The following NCAM1 variants were observed in gnomAD, a reference collection of about 807,000 sequenced individuals.
The protein encoded by NCAM1 is neural cell adhesion molecule 1.
Under a neutral mutation model 109.8 loss-of-function variants are expected in NCAM1, and 14 were observed. That is an observed-to-expected ratio of 0.13 (90% CI 0.08 to 0.20). NCAM1 has a LOEUF of 0.20. Among genes scored for constraint, NCAM1 ranks in the 10% least tolerant of loss-of-function variants. The pLI, the probability that NCAM1 is intolerant of heterozygous loss-of-function variation, is 1.00. For missense variants in NCAM1, 774 were observed against 1,109.9 expected (o/e 0.70, Z 4.30); for synonymous variants, 418 against 442.9 (o/e 0.94, Z 0.70).
In NCAM1 at chr11:112,965,512, A is replaced by G. The variant is rs184409827; in HGVS notation, c.52+3848A>G. Among the ~76,000 whole-genome samples, 7 of 152,326 alleles carry G rather than the reference A, an allele frequency of 4.6e-5. No individual in the cohort carries two copies. The East Asian group carries it at 1.3e-3, about 29-fold the overall frequency. On this transcript the variant is annotated intron_variant, in intron 1 of 19. Transcript: ENST00000316851. ...ATGTCTTAATTGCCTTTCAAAGTAA[A>G]CAGCACCATTTTGTCACTCAAAAGC... is the stretch of plus-strand genomic sequence containing the variant.
At chr11:113,050,601 G>C (rs1953444807) in intron 1 of NCAM1, among the ~76,000 whole-genome samples, 1 of 151,976 alleles carries the variant, frequency 6.6e-6, no homozygotes. Context: ...GTAGTTTGGA[G>C]TTAGGTAGTA....
intron 17 of NCAM1, chr11:113,263,869 A>T (rs1946074136): frequency 1.0e-6 from 1 of 985,414 alleles, no homozygotes; most frequent in Admixed American, 6.2e-5. Context: ...CCACTCCCAG[A>T]CTGCCCAGCC....
intron 1 of NCAM1, among the ~76,000 whole-genome samples, chr11:112,988,200 C>A (rs773139962): frequency 6.6e-6 from 1 of 152,118 alleles, no homozygotes; most frequent in Admixed American, 6.6e-5. Context: ...CCTTATTTTA[C>A]GTTTTTGTGT....
Position 112,976,156 on chromosome 11 carries a change from G to T in NCAM1, c.52+14492G>T, listed in dbSNP as rs146613204. On this transcript the variant is annotated intron_variant, in intron 1 of 19. Transcript: ENST00000316851. Reference sequence around the variant, plus strand: ...AAAAGTACAATTGGACATATTTTAAGAAAACATAAATTATAAATATGTGCA... The same window carrying T: ...AAAAGTACAATTGGACATATTTTAATAAAACATAAATTATAAATATGTGCA... Among the ~76,000 whole-genome samples, 95 of 151,888 alleles carry T rather than the reference G, an allele frequency of 6.3e-4. 1 individual carries two copies. The highest frequency in any genetic ancestry group is 1.4e-3 in the African/African-American group (59 of 41,464).
At chr11:113,151,536 C>A (rs1482492778) in intron 1 of NCAM1, among the ~76,000 whole-genome samples, 1 of 152,172 alleles carries the variant, frequency 6.6e-6, no homozygotes, top group Non-Finnish European at 1.5e-5. Flanking sequence ...GGCAGGTTTG[C>A]CATTGTGTAG....
At chr11:112,966,324 A>G (rs1412732703) in intron 1 of NCAM1, among the ~76,000 whole-genome samples, 1 of 152,238 alleles carries the variant, frequency 6.6e-6, no homozygotes, top group Non-Finnish European at 1.5e-5. Context: ...AAATTCGAAG[A>G]AGAAAATTTT....
In NCAM1 at chr11:113,273,480, C is replaced by A. The variant is rs1946334238; in HGVS notation, c.2456+1604C>A. On this transcript the variant is annotated intron_variant, in intron 19 of 19. Coordinates refer to ENST00000316851, the MANE Select transcript of NCAM1 (RefSeq NM_181351.5). This position sits in a 1 kb window ranked among gnomAD's most constrained non-coding sequence, Gnocchi z 6.0. The stretch of plus-strand genomic sequence containing the variant: ...AGGCCCGGACCCGGAGCCCACCCAG[C>A]CCGGAGCCGCGAAGAGCCCGGCCGA... The A allele has an allele frequency of 2.9e-6, 1 of 339,060 alleles. No homozygotes were observed. 21.0% of individuals were successfully genotyped at this position (339,060 alleles called of 1,614,324 possible). A position where few individuals can be genotyped will look rare whatever the true frequency, so the allele number is the denominator to read the frequency against.
chr11:113,154,102 G>A (rs1555103047), intron 1 of NCAM1, among the ~76,000 whole-genome samples: 1 of 152,216 alleles, frequency 6.6e-6, no homozygotes, highest in African/African-American at 2.4e-5. Context: ...GAGAATAAAT[G>A]TAGGACACTT....
At chr11:113,065,409 C>A (rs931093533) in intron 1 of NCAM1, among the ~76,000 whole-genome samples, 10 of 152,088 alleles carry the variant, frequency 6.6e-5, no homozygotes, top group African/African-American at 2.4e-4. Context: ...TTCCTTCCTG[C>A]AGCATAGAAA....
At chr11:113,049,883 G>C (rs1953404326) in intron 1 of NCAM1, among the ~76,000 whole-genome samples, 1 of 152,178 alleles carries the variant, frequency 6.6e-6, no homozygotes. Context: ...GCAGGTGTGA[G>C]AGAAAGCTTG....
At chr11:113,254,512 T>C (rs605843) in intron 15 of NCAM1, among the ~76,000 whole-genome samples, 49,249 of 152,066 alleles carry the variant, frequency 0.32, 8,790 homozygotes, top group African/African-American at 0.48. Context: ...GCTGGCCCTA[T>C]GATGATAAGT....
intron 1 of NCAM1, among the ~76,000 whole-genome samples, chr11:113,099,626 G>C (rs554408016): frequency 4.6e-5 from 7 of 152,304 alleles, no homozygotes; most frequent in African/African-American, 1.7e-4. Context: ...CAAAGAGGAA[G>C]AGCACTGGTT....
chr11:113,119,415 A>G (rs1940852027), intron 1 of NCAM1, among the ~76,000 whole-genome samples: 1 of 152,180 alleles, frequency 6.6e-6, no homozygotes, highest in African/African-American at 2.4e-5. Context: ...TGGTTCTATG[A>G]TCTGGAAGCC....
At chr11:113,063,584 G>T (rs1448074932) in intron 1 of NCAM1, among the ~76,000 whole-genome samples, 8 of 152,122 alleles carry the variant, frequency 5.3e-5, no homozygotes, top group Non-Finnish European at 1.2e-4. Flanking sequence ...AGTTCTCATG[G>T]CACTGAGGAG....
intron 1 of NCAM1, among the ~76,000 whole-genome samples, chr11:112,991,519 G>C (rs1347089543): frequency 1.4e-5 from 2 of 145,226 alleles, no homozygotes; most frequent in East Asian, 2.1e-4. Flanking sequence ...AAAAAAAAAA[G>C]TGATTGGAGC....
chr11:113,010,989 T>G (rs2135116545), intron 1 of NCAM1, among the ~76,000 whole-genome samples: 1 of 152,014 alleles, frequency 6.6e-6, no homozygotes, highest in South Asian at 2.1e-4. Flanking sequence ...TACTTTAAGT[T>G]TTAGGGTACA....
chr11:113,057,715 A>G (rs1953761533), intron 1 of NCAM1, among the ~76,000 whole-genome samples: 1 of 152,200 alleles, frequency 6.6e-6, no homozygotes, highest in Non-Finnish European at 1.5e-5. Context: ...GTTTCCTAGC[A>G]TGAGTAACTG....
chr11:113,225,763 G>A lies in NCAM1; in HGVS notation c.1089+4438G>A, dbSNP rs931038838. On this transcript the variant is annotated intron_variant, in intron 9 of 19. Coordinates refer to ENST00000316851, the MANE Select transcript of NCAM1 (RefSeq NM_181351.5). Reference sequence around the variant, plus strand: ...CAGAAATTCTACAAGCCAGAAGAGAGTGGGGGCCAATATTCAACATTCTTA... The same window carrying A: ...CAGAAATTCTACAAGCCAGAAGAGAATGGGGGCCAATATTCAACATTCTTA... 2.6e-5 allele frequency among the ~76,000 whole-genome samples: 4 copies of A among 152,222 alleles called. No homozygotes were observed. The South Asian group carries it at 8.3e-4, about 32-fold the overall frequency.
intron 3 of NCAM1, 111 bp downstream of exon 3, chr11:113,204,615 G>A: frequency 1.9e-6 from 2 of 1,047,442 alleles, no homozygotes; most frequent in South Asian, 1.6e-5. Context: ...GGCCTAACCA[G>A]TCCCATTCTC....
Sources: allele counts gnomAD v4.1 joint callset (sites outside exome capture counted in the v4.1 genomes callset), GRCh38; gene constraint gnomAD v4.1.1; non-coding constraint Gnocchi (gnomAD v3.1); transcripts MANE v1.5; gene names NCBI Gene and HGNC (gene_info 2026-07-23, HGNC 2026-07-21).